Variants in SLC35B3 observed in about 807,000 individuals in gnomAD.
SLC35B3 encodes adenosine 3'-phospho 5'-phosphosulfate transporter 2.
Under a neutral mutation model 44.1 loss-of-function variants are expected in SLC35B3, and 35 were observed. That is an observed-to-expected ratio of 0.79 (90% CI 0.61 to 1.05). The LOEUF is 1.05. Among genes scored for constraint, SLC35B3 ranks in the 50% least tolerant of loss-of-function variants. SLC35B3 has a pLI of 0.00. For missense variants in SLC35B3, 414 were observed against 476.4 expected, an observed-to-expected ratio of 0.87 and a Z score of 1.22; for synonymous variants, 146 against 167.3, an observed-to-expected ratio of 0.87 and a Z score of 0.98.
Position 8,434,401 on chromosome 6 carries a change from GAT to G in SLC35B3, c.-16_-15del, listed in dbSNP as rs745467152. On this transcript the variant is annotated 5_prime_UTR_variant, in exon 2 of 11. Transcript: ENST00000644923. The surrounding 1 kb of genome is among the most constrained non-coding windows in gnomAD (Gnocchi z 6.3). ...GAATCTTACCATGCCATTATGCCTT[GAT>G]TAACTGCGCTCCGGAATCAATCATG... 5.4e-4 allele frequency: 875 copies of G among 1,612,674 alleles called. No individual in the cohort carries two copies. Among genetic ancestry groups the G allele is most frequent in the Non-Finnish European group, 7.0e-4 (830 of 1,179,178 alleles).
intron 4 of SLC35B3, among the ~76,000 whole-genome samples, chr6:8,426,844 G>C (rs1763461411): frequency 6.6e-6 from 1 of 152,182 alleles, no homozygotes; most frequent in Admixed American, 6.5e-5. Context: ...ACCACCTAGA[G>C]ACTTGTTGAA....
chr6:8,428,528 A>C (rs1763657226), intron 3 of SLC35B3, among the ~76,000 whole-genome samples: 2 of 152,192 alleles, frequency 1.3e-5, no homozygotes, highest in African/African-American at 4.8e-5. Context: ...AATTATAAGT[A>C]ATAGTAGCAA....
intron 4 of SLC35B3, among the ~76,000 whole-genome samples, chr6:8,427,548 T>C (rs1388218843): frequency 6.6e-6 from 1 of 152,226 alleles, no homozygotes; most frequent in African/African-American, 2.4e-5. Context: ...TTTCTGGATT[T>C]AGGATTTTTG....
chr6:8,419,669 GC>G lies in SLC35B3; in HGVS notation c.690del (p.Ile232PhefsTer19). The G allele has an allele frequency of 6.6e-7, 1 of 1,508,130 alleles. No homozygotes were observed. The highest frequency in any genetic ancestry group is 9.0e-7 in the Non-Finnish European group (1 of 1,116,764). The allele number at this position is 1,508,130 out of a possible 1,614,324, so 93.4% of individuals were successfully genotyped here. ...TCTGCACATAGTGCCAGGGAAATAA[GC>G]ACCACACCTTCAAGAAGGTATTAAA... On this transcript the variant is annotated frameshift_variant, in exon 7 of 11. Coordinates refer to ENST00000644923, the MANE Select transcript of SLC35B3 (RefSeq NM_001370476.2). LOFTEE classifies it high-confidence loss of function. The surrounding 1 kb of genome is among the most constrained non-coding windows in gnomAD (Gnocchi z 4.3).
rs1762813790 is a variant in SLC35B3 at position 8,420,716 on chromosome 6, C to G, written c.682+5G>C. On this transcript the variant is annotated splice_donor_5th_base_variant and intron_variant, in intron 6 of 10. Transcript: ENST00000644923. The surrounding 1 kb of genome is among the most constrained non-coding windows in gnomAD (Gnocchi z 4.4). ...AAAAGCTAGGAATATAAATAAATTA[C>G]TTACCCGTCAGGTTGAAATTTGGTG... The G allele has an allele frequency of 1.2e-6, 2 of 1,604,050 alleles. No homozygotes were observed. The highest frequency in any genetic ancestry group is 1.7e-6 in the Non-Finnish European group (2 of 1,172,836).
rs15300 is a variant in SLC35B3 at position 8,413,179 on chromosome 6, A to G, written c.*370T>C. 10,724 of 162,610 alleles carry G rather than the reference A, an allele frequency of 0.066. 507 individuals are homozygous for G. The highest frequency in any genetic ancestry group is 0.13 in the African/African-American group (5,364 of 41,736). The allele number at this position is 162,610 out of a possible 1,614,324, so 10.1% of individuals were successfully genotyped here. On this transcript the variant is annotated 3_prime_UTR_variant, in exon 11 of 11. Coordinates refer to ENST00000644923, the MANE Select transcript of SLC35B3 (RefSeq NM_001370476.2). ...AATCAATTTAAATAACACCATCAAA[A>G]TGGAATGAATATAAAACAATCTGCT...
Position 8,418,757 on chromosome 6 carries a change from TGA to T in SLC35B3, c.780+821_780+822del, listed in dbSNP as rs751357786. The T allele has an allele frequency of 6.9e-4, 110 of 160,194 alleles. 1 individual carries two copies. The highest frequency in any genetic ancestry group is 1.4e-3 in the South Asian group (9 of 6,282). The allele number at this position is 160,194 out of a possible 1,614,324, so 9.9% of individuals were successfully genotyped here. On this transcript the variant is annotated intron_variant, in intron 7 of 10. Coordinates refer to ENST00000644923, the MANE Select transcript of SLC35B3 (RefSeq NM_001370476.2). ...GAAAAGTCATACCTTATTCTTGGAC[TGA>T]AATAATCAAGATGCCATTCTCCCTA...
In SLC35B3 at chr6:8,433,166, C is replaced by G. The variant is rs182395894; in HGVS notation, c.3+1219G>C. On this transcript the variant is annotated intron_variant, in intron 2 of 10. Transcript: ENST00000644923. The surrounding 1 kb of genome is among the most constrained non-coding windows in gnomAD (Gnocchi z 4.1). ...TTTCGGACCCTACTCCATCAGGCAGCCATTTTCTCTTGCCTAGATTACGAG... is the reference window on the plus strand; with the variant it reads ...TTTCGGACCCTACTCCATCAGGCAGGCATTTTCTCTTGCCTAGATTACGAG... Among the ~76,000 whole-genome samples the G allele has an allele frequency of 6.6e-6, 1 of 152,278 alleles. No individual in the cohort carries two copies. Among genetic ancestry groups the G allele is most frequent in the East Asian group, 1.9e-4 (1 of 5,170 alleles).
chr6:8,420,850 C>T lies in SLC35B3; in HGVS notation c.575-22G>A, dbSNP rs1561751613. On this transcript the variant is annotated intron_variant, in intron 5 of 10. Coordinates refer to ENST00000644923, the MANE Select transcript of SLC35B3 (RefSeq NM_001370476.2). The surrounding 1 kb of genome is among the most constrained non-coding windows in gnomAD (Gnocchi z 4.4). ...TTTCCTGTATAAAACAAACGTAAGT[C>T]CACTTCATTATGCAAATACCCACCC... is the stretch of plus-strand genomic sequence containing the variant. 3 of 1,562,824 alleles carry T rather than the reference C, an allele frequency of 1.9e-6. No individual in the cohort carries two copies. The highest frequency in any genetic ancestry group is 1.2e-5 in the South Asian group (1 of 86,704).
chr6:8,412,246 T>C lies in SLC35B3; in HGVS notation c.*1303A>G, dbSNP rs1034539440. Among the ~76,000 whole-genome samples, 21 of 152,340 alleles carry C rather than the reference T, an allele frequency of 1.4e-4. No homozygotes were observed. The highest frequency in any genetic ancestry group is 5.1e-4 in the African/African-American group (21 of 41,576). ...CAGAACTGTGGGAAATAAATTTCCA[T>C]TGTTTATGAGCTACCCACTTATGGT... On this transcript the variant is annotated 3_prime_UTR_variant, in exon 11 of 11. Coordinates refer to ENST00000644923, the MANE Select transcript of SLC35B3 (RefSeq NM_001370476.2).
chr6:8,434,557 G>A lies in SLC35B3; in HGVS notation c.-43-127C>T. The A allele has an allele frequency of 6.1e-6, 4 of 650,758 alleles. No individual in the cohort carries two copies. The highest frequency in any genetic ancestry group is 3.2e-5 in the East Asian group (1 of 31,658). The allele number at this position is 650,758 out of a possible 1,614,324, so 40.3% of individuals were successfully genotyped here. A position where few individuals can be genotyped will look rare whatever the true frequency, so the allele number is the denominator to read the frequency against. ...AGACTATTCTTTTTTTTTTCCAAGA[G>A]AAAAAGTTAACACTAGGACTTTATA... On this transcript the variant is annotated intron_variant, in intron 1 of 10. Transcript: ENST00000644923. The surrounding 1 kb of genome is among the most constrained non-coding windows in gnomAD (Gnocchi z 6.3).
At position 8,420,029 on chromosome 6, in the gene SLC35B3, C is replaced by T. The variant is rs1398019823; in HGVS notation, c.683-352G>A. ...GATATCTATCTATTGGGATTGGTGG[C>T]TATTCAGTTAATTAAAAAAAAAAAA... On this transcript the variant is annotated intron_variant, in intron 6 of 10. Transcript: ENST00000644923. This position sits in a 1 kb window ranked among gnomAD's most constrained non-coding sequence, Gnocchi z 4.4. 1.3e-5 allele frequency among the ~76,000 whole-genome samples: 2 copies of T among 149,230 alleles called. No individual in the cohort carries two copies. The highest frequency in any genetic ancestry group is 4.9e-5 in the African/African-American group (2 of 40,532).
At chr6:8,427,732 T>A (rs1368836105) in intron 4 of SLC35B3, among the ~76,000 whole-genome samples, 1 of 152,222 alleles carries the variant, frequency 6.6e-6, no homozygotes, top group Non-Finnish European at 1.5e-5. Flanking sequence ...AAGCTAATAT[T>A]TTTTTATTTT....
At chr6:8,417,527 AC>A in intron 7 of SLC35B3, 33 bp from the exon 7 acceptor site, 1 of 1,305,820 alleles carries the variant, frequency 7.7e-7, no homozygotes, top group Non-Finnish European at 1.1e-6. Flanking sequence ...AGAAAAAAGT[AC>A]TATGAAACTG....
At chr6:8,417,149 A>G (rs1187150148) in intron 8 of SLC35B3, among the ~76,000 whole-genome samples, 154 bp from the exon 8 acceptor site, 2 of 152,176 alleles carry the variant, frequency 1.3e-5, no homozygotes, top group African/African-American at 4.8e-5. Flanking sequence ...TAATGAAAAA[A>G]AAATGTTGAA....
At chr6:8,418,515 T>G (rs1400546741) in intron 7 of SLC35B3, among the ~76,000 whole-genome samples, 2 of 146,184 alleles carry the variant, frequency 1.4e-5, no homozygotes, top group Admixed American at 6.8e-5. Flanking sequence ...TTTTCCTATA[T>G]AAAAACCAGT....
At chr6:8,425,473 T>G (rs1354677483) in intron 4 of SLC35B3, among the ~76,000 whole-genome samples, 2 of 152,118 alleles carry the variant, frequency 1.3e-5, no homozygotes, top group Non-Finnish European at 2.9e-5. Context: ...GCCTCCATGA[T>G]TCTATCATGG....
intron 9 of SLC35B3, among the ~76,000 whole-genome samples, chr6:8,415,630 T>C (rs995838218): frequency 2.6e-5 from 4 of 152,326 alleles, no homozygotes; most frequent in African/African-American, 7.2e-5. Flanking sequence ...TTCATCTGTA[T>C]ATTCCAAGAC....
chr6:8,416,478 C>A (rs1172461884), intron 9 of SLC35B3, among the ~76,000 whole-genome samples: 2 of 152,126 alleles, frequency 1.3e-5, no homozygotes, highest in Non-Finnish European at 2.9e-5. Context: ...AGAAAATGTA[C>A]AAATGAAAGG....
Sources: gnomAD v4.1 joint callset for allele counts (sites outside exome capture counted in the v4.1 genomes callset) on GRCh38, gnomAD v4.1.1 for gene constraint, Gnocchi (gnomAD v3.1) non-coding constraint, MANE v1.5 for transcripts, NCBI Gene and HGNC (gene_info 2026-07-23, HGNC 2026-07-21) for gene names.